TBC1D5: variants seen among roughly 807,000 people sequenced by gnomAD.
The protein encoded by TBC1D5 is TBC1 domain family, member 5.
A neutral mutation model predicts 100.3 loss-of-function variants in TBC1D5; 75 were observed. The ratio of observed to expected loss-of-function variants is 0.75; its 90% CI spans 0.62 to 0.91. TBC1D5 has a LOEUF of 0.91. Among genes scored for constraint, TBC1D5 ranks in the 40% least tolerant of loss-of-function variants. The pLI is 0.00. For missense variants in TBC1D5, 910 were observed against 942.4 expected (o/e 0.97, Z 0.45); for synonymous variants, 323 against 325.6 (o/e 0.99, Z 0.09).
rs2093760108 is a variant in TBC1D5 at position 17,405,999 on chromosome 3, T to A, written c.276+419A>T. ...CCACCCCTCACTACTAAAAGAAATG[T>A]GAAAAATATTTTCCAGCTGCCATTT... is the stretch of plus-strand genomic sequence containing the variant. On this transcript the variant is annotated intron_variant, in intron 5 of 21. Transcript: ENST00000253692. Among the ~76,000 whole-genome samples, 5 of 152,006 alleles carry A rather than the reference T, an allele frequency of 3.3e-5. No homozygotes were observed. The South Asian group carries it at 1.0e-3, about 32-fold the overall frequency.
intron 4 of TBC1D5, among the ~76,000 whole-genome samples, chr3:17,419,125 C>G (rs2094150231): frequency 6.6e-6 from 1 of 152,194 alleles, no homozygotes; most frequent in African/African-American, 2.4e-5. Context: ...ATTACAAAGA[C>G]TCTCTGAAGG....
intron 2 of TBC1D5, among the ~76,000 whole-genome samples, chr3:17,577,128 G>A (rs2096662398): frequency 6.6e-6 from 1 of 151,942 alleles, no homozygotes; most frequent in Non-Finnish European, 1.5e-5. Flanking sequence ...GGGGTGGGGA[G>A]GGGAACTACA....
At chr3:17,648,169 T>C (rs1264735878) in intron 1 of TBC1D5, among the ~76,000 whole-genome samples, 1 of 151,760 alleles carries the variant, frequency 6.6e-6, no homozygotes, top group Non-Finnish European at 1.5e-5. Context: ...AGCCAAGAAA[T>C]AGGGCCGCAC....
At chr3:17,214,405 C>T in intron 17 of TBC1D5, 35 bp from the exon 19 acceptor site, 1 of 1,592,796 alleles carries the variant, frequency 6.3e-7, no homozygotes, top group Non-Finnish European at 8.6e-7. Flanking sequence ...AATGAAACAC[C>T]AGACTCTTTC....
intron 9 of TBC1D5, among the ~76,000 whole-genome samples, chr3:17,382,472 A>C (rs1259698141): frequency 6.6e-6 from 1 of 152,118 alleles, no homozygotes; most frequent in East Asian, 1.9e-4. Context: ...TCATTTAAAC[A>C]TAAAGAAGTA....
intron 1 of TBC1D5, among the ~76,000 whole-genome samples, chr3:17,711,743 T>C (rs555048984): frequency 1.3e-5 from 2 of 152,336 alleles, no homozygotes; most frequent in Non-Finnish European, 2.9e-5. Context: ...TGTATAAATA[T>C]GCCATAACTT....
At chr3:17,662,091 C>T (rs753052319) in intron 1 of TBC1D5, among the ~76,000 whole-genome samples, 3 of 152,032 alleles carry the variant, frequency 2.0e-5, no homozygotes, top group African/African-American at 4.8e-5. Flanking sequence ...GGTCTCGCTA[C>T]GTTGCCCAGG....
At chr3:17,709,815 A>G (rs191818563) in intron 1 of TBC1D5, among the ~76,000 whole-genome samples, 1 of 152,316 alleles carries the variant, frequency 6.6e-6, no homozygotes, top group East Asian at 1.9e-4. Flanking sequence ...CAAGTACAAA[A>G]AAGTCATGTA....
intron 4 of TBC1D5, among the ~76,000 whole-genome samples, chr3:17,426,525 A>T (rs1451531026): frequency 6.6e-6 from 1 of 152,054 alleles, no homozygotes; most frequent in Admixed American, 6.6e-5. Flanking sequence ...TCTCTTTTTA[A>T]TTACAACAAT....
At chr3:17,658,992 T>A (rs1398165247) in intron 1 of TBC1D5, among the ~76,000 whole-genome samples, 4 of 152,112 alleles carry the variant, frequency 2.6e-5, no homozygotes, top group African/African-American at 9.7e-5. Flanking sequence ...AATCATCAAA[T>A]AGGAAGGTAT....
rs566385781 is a variant in TBC1D5 at position 17,275,807 on chromosome 3, G to C, written c.1245+16088C>G. On this transcript the variant is annotated intron_variant, in intron 15 of 21. Coordinates refer to ENST00000253692, the Ensembl canonical transcript of TBC1D5. Reference sequence around the variant, plus strand: ...AGGTAATGGACTGTGTAATTTCCAGGACCCCAGTAAGACTACCCTTACTGT... The same window carrying C: ...AGGTAATGGACTGTGTAATTTCCAGCACCCCAGTAAGACTACCCTTACTGT... 1.0e-3 allele frequency among the ~76,000 whole-genome samples: 159 copies of C among 152,240 alleles called. 1 individual carries two copies. Among genetic ancestry groups the C allele is most frequent in the African/African-American group, 3.7e-3 (154 of 41,538 alleles).
intron 18 of TBC1D5, among the ~76,000 whole-genome samples, chr3:17,206,063 C>T (rs1391950137): frequency 6.6e-6 from 1 of 152,128 alleles, no homozygotes; most frequent in Non-Finnish European, 1.5e-5. Flanking sequence ...AAGAGAACTC[C>T]TATAGAAGGT....
chr3:17,415,269 G>T (rs1340689711), intron 4 of TBC1D5, among the ~76,000 whole-genome samples: 1 of 152,030 alleles, frequency 6.6e-6, no homozygotes, highest in Non-Finnish European at 1.5e-5. Flanking sequence ...CCATTCTCCT[G>T]CCTCAGCCTC....
At chr3:17,338,085 A>T (rs1032553196) in intron 13 of TBC1D5, among the ~76,000 whole-genome samples, 1 of 152,222 alleles carries the variant, frequency 6.6e-6, no homozygotes, top group African/African-American at 2.4e-5. Context: ...AAACAAACTG[A>T]ATAACACGGT....
chr3:17,310,383 G>A (rs1448507099), intron 13 of TBC1D5, among the ~76,000 whole-genome samples: 1 of 152,004 alleles, frequency 6.6e-6, no homozygotes, highest in Non-Finnish European at 1.5e-5. Flanking sequence ...ACAATGTGCT[G>A]CTTTATAAAT....
At chr3:17,427,459 A>G (rs2094359162) in intron 4 of TBC1D5, among the ~76,000 whole-genome samples, 1 of 151,964 alleles carries the variant, frequency 6.6e-6, no homozygotes, top group African/African-American at 2.4e-5. Context: ...GAAATAAATG[A>G]CACAGTTCCA....
At chr3:17,174,800 G>T (rs1374668908) in intron 19 of TBC1D5, among the ~76,000 whole-genome samples, 1 of 152,218 alleles carries the variant, frequency 6.6e-6, no homozygotes, top group Middle Eastern at 3.4e-3. Context: ...CACCATGTTG[G>T]TCAGGCTGGT....
At chr3:17,417,031 G>A (rs139739308) in intron 4 of TBC1D5, among the ~76,000 whole-genome samples, 2 of 152,248 alleles carry the variant, frequency 1.3e-5, no homozygotes, top group East Asian at 1.9e-4. Context: ...GTGGTAAGGT[G>A]GGGGGAAGGG....
At chr3:17,591,495 G>A (rs2153565494) in intron 2 of TBC1D5, among the ~76,000 whole-genome samples, 1 of 152,120 alleles carries the variant, frequency 6.6e-6, no homozygotes, top group Non-Finnish European at 1.5e-5. Context: ...AGACATTTCG[G>A]GGGACTACTG....
Sources: allele counts gnomAD v4.1 joint callset (sites outside exome capture counted in the v4.1 genomes callset), GRCh38; gene constraint gnomAD v4.1.1; transcripts MANE v1.5; gene names NCBI Gene and HGNC (gene_info 2026-07-23, HGNC 2026-07-21).